Variants in SYN3 observed in about 807,000 individuals in gnomAD.
SYN3 encodes the protein synapsin III, also known as synapsin-3.
Under a neutral mutation model 65.8 loss-of-function variants are expected in SYN3, and 35 were observed. The observed-to-expected ratio is 0.53, with a 90% CI of 0.41 to 0.70. The LOEUF is 0.70. SYN3 is among the 30% of genes least tolerant of loss of function. The pLI, the probability that SYN3 is intolerant of heterozygous loss-of-function variation, is 0.00. For synonymous variants in SYN3, 270 were observed against 292.9 expected (o/e 0.92, Z 0.80); for missense variants, 680 against 749.0 (o/e 0.91, Z 1.08).
chr22:32,923,333 T>C (rs2050383151), intron 4 of SYN3, among the ~76,000 whole-genome samples: 1 of 152,154 alleles, frequency 6.6e-6, no homozygotes, highest in Admixed American at 6.5e-5. Flanking sequence ...GGATGCTGTC[T>C]GACCACACGG....
intron 6 of SYN3, among the ~76,000 whole-genome samples, chr22:32,663,675 T>C (rs1270362313): frequency 1.3e-5 from 2 of 152,336 alleles, no homozygotes; most frequent in South Asian, 2.1e-4. Flanking sequence ...TAATACAGCA[T>C]GTAGGAACTA....
In SYN3 at chr22:32,513,119, ATGGGGGCCTTTGCCTGCC is replaced by A. The variant is rs1239732457; in HGVS notation, c.*555_*572del. 4.3e-4 allele frequency: 65 copies of A among 152,488 alleles called. 1 individual carries two copies. Among genetic ancestry groups the A allele is most frequent in the Admixed American group, 4.3e-3 (65 of 15,260 alleles). The allele number at this position is 152,488 out of a possible 1,614,324, so 9.4% of individuals were successfully genotyped here. A position where few individuals can be genotyped will look rare whatever the true frequency, so the allele number is the denominator to read the frequency against. On this transcript the variant is annotated 3_prime_UTR_variant, in exon 14 of 14. Transcript: ENST00000358763. The stretch of plus-strand genomic sequence containing the variant: ...AGGACCCCACTAGTGGCCGAGTGTG[ATGGGGGCCTTTGCCTGCC>A]TGGTCTAAGGGCGGGTCTTGAGCGT...
At chr22:32,650,251 C>A (rs1488162557) in intron 6 of SYN3, among the ~76,000 whole-genome samples, 2 of 109,042 alleles carry the variant, frequency 1.8e-5, no homozygotes, top group Non-Finnish European at 3.3e-5. Context: ...CCCTCCCTCC[C>A]TCCCTCCCTC....
chr22:32,667,247 A>C (rs2060301463), intron 6 of SYN3, among the ~76,000 whole-genome samples: 6 of 139,034 alleles, frequency 4.3e-5, no homozygotes, highest in Admixed American at 2.2e-4. Flanking sequence ...TCACTCACTC[A>C]CTCCCTTCCT....
intron 1 of SYN3, among the ~76,000 whole-genome samples, chr22:33,042,468 G>A (rs1346357493): frequency 6.6e-6 from 1 of 152,228 alleles, no homozygotes; most frequent in African/African-American, 2.4e-5. Flanking sequence ...AACGGACGTG[G>A]TAAATCAGAA....
At chr22:32,941,829 G>A (rs184173848) in intron 3 of SYN3, among the ~76,000 whole-genome samples, 8 of 152,328 alleles carry the variant, frequency 5.3e-5, no homozygotes, top group Admixed American at 2.0e-4. Context: ...AGGATCCCAC[G>A]CCCACGGAGC....
intron 3 of SYN3, among the ~76,000 whole-genome samples, chr22:32,973,754 C>G (rs1312320281): frequency 1.3e-5 from 2 of 152,162 alleles, no homozygotes. Flanking sequence ...CATCTCTGAG[C>G]CCCAGCTTCT....
chr22:32,577,387 C>T (rs1266618476), intron 7 of SYN3, among the ~76,000 whole-genome samples: 1 of 152,198 alleles, frequency 6.6e-6, no homozygotes, highest in Non-Finnish European at 1.5e-5. Flanking sequence ...CCTGCTATGA[C>T]AATGTAATCA....
At position 32,986,410 on chromosome 22, in the gene SYN3, G is replaced by T. The variant is rs142956739; in HGVS notation, c.312-5708C>A. 3.7e-4 allele frequency among the ~76,000 whole-genome samples: 56 copies of T among 152,266 alleles called. No individual in the cohort carries two copies. In the East Asian group the frequency reaches 9.5e-3, roughly 26 times the overall value. ...CCTTCCCAGGAGAAACATTTGTTTT[G>T]CCCATCTCTGGAATGTTTACTGCAG... On this transcript the variant is annotated intron_variant, in intron 2 of 13. Transcript: ENST00000358763.
intron 7 of SYN3, among the ~76,000 whole-genome samples, chr22:32,555,159 C>T (rs568341499): frequency 1.3e-4 from 20 of 152,006 alleles, no homozygotes; most frequent in African/African-American, 4.1e-4. Flanking sequence ...GAGTCTAGGC[C>T]GAGGAAAAAA....
intron 9 of SYN3, among the ~76,000 whole-genome samples, chr22:32,536,841 CTG>C (rs1400852587): frequency 1.3e-5 from 2 of 152,186 alleles, no homozygotes; most frequent in African/African-American, 4.8e-5. Context: ...TTACCTGACA[CTG>C]TATATCTGGA....
chr22:32,732,809 C>T (rs1278496603), intron 6 of SYN3, among the ~76,000 whole-genome samples: 1 of 152,228 alleles, frequency 6.6e-6, no homozygotes, highest in Non-Finnish European at 1.5e-5. Context: ...ACCATATTTA[C>T]TGACCATCCA....
chr22:32,609,290 C>T (rs2146673788), intron 6 of SYN3, among the ~76,000 whole-genome samples: 1 of 151,754 alleles, frequency 6.6e-6, no homozygotes, highest in East Asian at 1.9e-4. Context: ...AGCCACTACT[C>T]CAGCCTGGGC....
chr22:32,990,497 C>T (rs189886740), intron 2 of SYN3, among the ~76,000 whole-genome samples: 177 of 152,244 alleles, frequency 1.2e-3, no homozygotes, highest in African/African-American at 4.0e-3. Flanking sequence ...TCCACACATT[C>T]GCCCATCCAT....
At chr22:32,845,668 C>T (rs1172090013) in intron 6 of SYN3, among the ~76,000 whole-genome samples, 1 of 152,122 alleles carries the variant, frequency 6.6e-6, no homozygotes, top group African/African-American at 2.4e-5. Flanking sequence ...AGTGTAGGGG[C>T]CATACTCCAG....
chr22:32,954,977 A>G (rs1365567014), intron 3 of SYN3, among the ~76,000 whole-genome samples: 1 of 149,014 alleles, frequency 6.7e-6, no homozygotes, highest in East Asian at 1.9e-4. Context: ...AAGGTCCAAA[A>G]TCTTTCTCAG....
intron 6 of SYN3, among the ~76,000 whole-genome samples, chr22:32,602,436 G>A (rs953489261): frequency 4.8e-5 from 7 of 147,344 alleles, no homozygotes; most frequent in Non-Finnish European, 7.4e-5. Flanking sequence ...TATCCCGATA[G>A]TTTTTTGTTT....
chr22:32,811,080 G>T (rs73158316), intron 6 of SYN3, among the ~76,000 whole-genome samples: 72 of 152,254 alleles, frequency 4.7e-4, no homozygotes, highest in Non-Finnish European at 8.8e-4. Context: ...GAAAAGGCTG[G>T]GAACCACTGA....
At chr22:32,876,421 C>G (rs2048983508) in intron 4 of SYN3, among the ~76,000 whole-genome samples, 1 of 152,156 alleles carries the variant, frequency 6.6e-6, no homozygotes, top group South Asian at 2.1e-4. Context: ...TCCAAATGGA[C>G]TGGCAGTTAA....
Sources: allele counts gnomAD v4.1 joint callset (sites outside exome capture counted in the v4.1 genomes callset), GRCh38; gene constraint gnomAD v4.1.1; transcripts MANE v1.5; gene names NCBI Gene and HGNC (gene_info 2026-07-23, HGNC 2026-07-21).